Variants in SHISA6 observed in about 807,000 individuals in gnomAD.
SHISA6 encodes the protein protein shisa-6.
A neutral mutation model predicts 47.9 loss-of-function variants in SHISA6; 22 were observed. The observed-to-expected ratio is 0.46, with a 90% CI of 0.33 to 0.66. The LOEUF (loss-of-function observed/expected upper bound fraction) is 0.66, where lower values mean the gene tolerates loss of function less well. Among genes scored for constraint, SHISA6 ranks in the 30% least tolerant of loss-of-function variants. The pLI is 0.02. For synonymous variants in SHISA6, 388 were observed against 337.8 expected (o/e 1.15, Z -1.63); for missense variants, 680 against 764.6 (o/e 0.89, Z 1.30).
intron 3 of SHISA6, among the ~76,000 whole-genome samples, chr17:11,530,281 A>T (rs2071721257): frequency 6.6e-6 from 1 of 152,160 alleles, no homozygotes; most frequent in South Asian, 2.1e-4. Flanking sequence ...ACACACACAC[A>T]CAAGTTACAA....
At chr17:11,333,141 T>C (rs1207289457) in intron 2 of SHISA6, among the ~76,000 whole-genome samples, 1 of 152,124 alleles carries the variant, frequency 6.6e-6, no homozygotes, top group African/African-American at 2.4e-5. Context: ...TCGTGCATTA[T>C]AAGGAATATT....
At chr17:11,414,396 C>T (rs1914220562) in intron 3 of SHISA6, among the ~76,000 whole-genome samples, 1 of 152,120 alleles carries the variant, frequency 6.6e-6, no homozygotes, top group Non-Finnish European at 1.5e-5. Context: ...TTCATCTTGA[C>T]CCAGGCAGCC....
intron 2 of SHISA6, among the ~76,000 whole-genome samples, chr17:11,308,586 T>A (rs1034159910): frequency 4.6e-5 from 7 of 152,184 alleles, no homozygotes; most frequent in African/African-American, 1.7e-4. Flanking sequence ...TCGGCTACGT[T>A]CGCTAAGCCC....
At chr17:11,359,321 G>A (rs11869844) in intron 2 of SHISA6, among the ~76,000 whole-genome samples, 70,112 of 152,018 alleles carry the variant, frequency 0.46, 16,356 homozygotes, top group Middle Eastern at 0.54. Flanking sequence ...TAAATAGTGT[G>A]TGCTTTACTC....
intron 2 of SHISA6, among the ~76,000 whole-genome samples, chr17:11,284,605 G>C (rs754152040): frequency 6.6e-6 from 1 of 152,154 alleles, no homozygotes; most frequent in Admixed American, 6.5e-5. Flanking sequence ...TTCTCTCTCT[G>C]TATGGGTTCA....
intron 3 of SHISA6, among the ~76,000 whole-genome samples, chr17:11,466,820 G>A (rs893028768): frequency 1.1e-4 from 17 of 152,150 alleles, no homozygotes; most frequent in East Asian, 7.7e-4. Context: ...TTCTCAGCCC[G>A]TGTTTTCTTC....
chr17:11,520,376 C>T (rs190401999), intron 3 of SHISA6, among the ~76,000 whole-genome samples: 1 of 152,298 alleles, frequency 6.6e-6, no homozygotes, highest in Non-Finnish European at 1.5e-5. Flanking sequence ...CCTGACAGTC[C>T]TACCTTGAAA....
At chr17:11,544,727 A>C (rs1033768766) in intron 3 of SHISA6, among the ~76,000 whole-genome samples, 1 of 152,050 alleles carries the variant, frequency 6.6e-6, no homozygotes, top group African/African-American at 2.4e-5. Context: ...TTGGGAGGCC[A>C]AGGCGGGTGG....
intron 3 of SHISA6, among the ~76,000 whole-genome samples, chr17:11,433,441 C>T (rs560128624): frequency 3.1e-4 from 47 of 152,200 alleles, no homozygotes; most frequent in Non-Finnish European, 5.4e-4. Flanking sequence ...CATAGTATTC[C>T]ATGGTGTATT....
intron 2 of SHISA6, among the ~76,000 whole-genome samples, chr17:11,294,382 T>C (rs541817069): frequency 6.6e-6 from 1 of 152,242 alleles, no homozygotes; most frequent in Non-Finnish European, 1.5e-5. Context: ...TCCCTAAGGC[T>C]CTGAGCAGTG....
At chr17:11,283,293 G>C (rs1909185713) in intron 2 of SHISA6, among the ~76,000 whole-genome samples, 1 of 152,242 alleles carries the variant, frequency 6.6e-6, no homozygotes, top group Admixed American at 6.5e-5. Flanking sequence ...TATTGAAGAA[G>C]AAGTAATTGT....
At chr17:11,543,537 A>G (rs868723753) in intron 3 of SHISA6, among the ~76,000 whole-genome samples, 20 of 152,332 alleles carry the variant, frequency 1.3e-4, no homozygotes, top group Middle Eastern at 3.4e-3. Flanking sequence ...TTCTCTTTAA[A>G]ATAATGTACA....
At chr17:11,497,837 C>T (rs1193823167) in intron 3 of SHISA6, among the ~76,000 whole-genome samples, 1 of 152,174 alleles carries the variant, frequency 6.6e-6, no homozygotes, top group Non-Finnish European at 1.5e-5. Context: ...CTCCTCACCC[C>T]CCAGGCTTGC....
intron 2 of SHISA6, among the ~76,000 whole-genome samples, chr17:11,264,239 C>A (rs1597429024): frequency 6.6e-6 from 1 of 152,126 alleles, no homozygotes; most frequent in Admixed American, 6.5e-5. Flanking sequence ...GAATCTTGTT[C>A]TGTGCCAAGA....
intron 2 of SHISA6, among the ~76,000 whole-genome samples, chr17:11,279,094 C>T (rs1489486294): frequency 6.6e-6 from 1 of 152,164 alleles, no homozygotes. Flanking sequence ...TTGCTGGCTT[C>T]ACTCCTTGTG....
At chr17:11,336,205 A>G (rs1911315080) in intron 2 of SHISA6, among the ~76,000 whole-genome samples, 1 of 152,110 alleles carries the variant, frequency 6.6e-6, no homozygotes, top group Admixed American at 6.5e-5. Flanking sequence ...ACTCTCTCAA[A>G]AAAGAAATAA....
chr17:11,308,503 G>A (rs62063465), intron 2 of SHISA6, among the ~76,000 whole-genome samples: 45,223 of 152,010 alleles, frequency 0.3, 7,403 homozygotes, highest in Non-Finnish European at 0.38. Flanking sequence ...AAAGGCCACA[G>A]TATCTCAGAC....
intron 2 of SHISA6, among the ~76,000 whole-genome samples, chr17:11,332,044 C>T (rs778813881): frequency 6.8e-6 from 1 of 147,416 alleles, no homozygotes; most frequent in African/African-American, 2.5e-5. Flanking sequence ...CCCTCCCCCT[C>T]GGACTCCCCC....
intron 2 of SHISA6, among the ~76,000 whole-genome samples, chr17:11,274,326 C>T (rs904176766): frequency 3.9e-5 from 6 of 152,166 alleles, no homozygotes; most frequent in African/African-American, 9.6e-5. Flanking sequence ...AATGAGGTGC[C>T]GGTCAGAGGG....
Sources: gnomAD v4.1 joint callset for allele counts (sites outside exome capture counted in the v4.1 genomes callset) on GRCh38, gnomAD v4.1.1 for gene constraint, MANE v1.5 for transcripts, NCBI Gene and HGNC (gene_info 2026-07-23, HGNC 2026-07-21) for gene names.